The following RAI1 variants were observed in gnomAD, a reference collection of about 807,000 sequenced individuals.
The protein encoded by RAI1 is retinoic acid induced 1.
A neutral mutation model predicts 123.8 loss-of-function variants in RAI1; 9 were observed. That is an observed-to-expected ratio of 0.07 (90% CI 0.04 to 0.13). The LOEUF is 0.13. Among genes scored for constraint, RAI1 ranks in the 10% least tolerant of loss-of-function variants. RAI1 has a pLI of 1.00. For synonymous variants in RAI1, 1,231 were observed against 1,127.3 expected (o/e 1.09, Z -1.84); for missense variants, 2,256 against 2,545.8 (o/e 0.89, Z 2.45).
Position 17,801,512 on chromosome 17 carries a change from TC to T in RAI1, c.5566-2242del, listed in dbSNP as rs2032461806. 6.6e-6 allele frequency among the ~76,000 whole-genome samples: 1 copy of T among 152,170 alleles called. No individual in the cohort carries two copies. Among genetic ancestry groups the T allele is most frequent in the Non-Finnish European group, 1.5e-5 (1 of 68,036 alleles). ...CAGAGGACCCCCATATGCTTAAACA[TC>T]CAGACACCAAGGGCCACTCACAGAC... is the stretch of plus-strand genomic sequence containing the variant. On this transcript the variant is annotated intron_variant, in intron 3 of 5. Coordinates refer to ENST00000353383, the MANE Select transcript of RAI1 (RefSeq NM_030665.4). This position sits in a 1 kb window ranked among gnomAD's most constrained non-coding sequence, Gnocchi z 4.1.
chr17:17,723,058 C>A (rs1483443500), intron 1 of RAI1, among the ~76,000 whole-genome samples: 1 of 152,180 alleles, frequency 6.6e-6, no homozygotes, highest in African/African-American at 2.4e-5. Context: ...AAGCCCCGTA[C>A]AGGCGCACTG....
At chr17:17,740,336 C>A (rs139592656) in intron 2 of RAI1, among the ~76,000 whole-genome samples, 54 of 152,288 alleles carry the variant, frequency 3.5e-4, no homozygotes, top group African/African-American at 1.3e-3. Flanking sequence ...GTCCCAGGGG[C>A]TGGTGGTGTT....
At chr17:17,720,749 G>A (rs762510799) in intron 1 of RAI1, among the ~76,000 whole-genome samples, 4 of 152,200 alleles carry the variant, frequency 2.6e-5, no homozygotes, top group Admixed American at 6.5e-5. Context: ...TCCTCTAGGG[G>A]ATGGTCAGAT....
Position 17,794,130 on chromosome 17 carries a change from C to G in RAI1, c.1182C>G (p.Pro394=). The part of the protein sequence containing the change: ...AGITDHSHFM[P]LLNPSPTDAT... ...TCACTGACCACAGCCACTTCATGCC[C>G]CTGCTCAATCCCTCCCCAACGGATG... The change falls in exon 3 of 6, where the codon CCC becomes CCG. Residue 394 remains proline (P), a synonymous_variant. Transcript: ENST00000353383. 1 of 1,614,112 alleles carries G rather than the reference C, an allele frequency of 6.2e-7. No individual in the cohort carries two copies. The highest frequency in any genetic ancestry group is 8.5e-7 in the Non-Finnish European group (1 of 1,180,054).
At chr17:17,716,271 A>G (rs530823384) in intron 1 of RAI1, among the ~76,000 whole-genome samples, 64 of 152,350 alleles carry the variant, frequency 4.2e-4, no homozygotes, top group Admixed American at 3.1e-3. Context: ...AGAGATACCC[A>G]TGAGCCCTGG....
chr17:17,737,551 C>T (rs1305821359), intron 2 of RAI1, among the ~76,000 whole-genome samples: 1 of 152,206 alleles, frequency 6.6e-6, no homozygotes, highest in Non-Finnish European at 1.5e-5. Flanking sequence ...CAGGGATAGG[C>T]AGTGACTGAA....
Position 17,792,185 on chromosome 17 carries a change from C to T in RAI1, c.-16-748C>T, listed in dbSNP as rs1235066912. Reference sequence around the variant, plus strand: ...ACAGGAGGCAGGTGCTGCCGTCTTGCGTTCCTGGGAGTCAGAGGAGGGGAC... The same window carrying T: ...ACAGGAGGCAGGTGCTGCCGTCTTGTGTTCCTGGGAGTCAGAGGAGGGGAC... On this transcript the variant is annotated intron_variant, in intron 2 of 5. Coordinates refer to ENST00000353383, the MANE Select transcript of RAI1 (RefSeq NM_030665.4). 2.0e-5 allele frequency among the ~76,000 whole-genome samples: 3 copies of T among 152,200 alleles called. No homozygotes were observed. The East Asian group carries it at 5.8e-4, about 29-fold the overall frequency.
intron 1 of RAI1, among the ~76,000 whole-genome samples, chr17:17,686,226 C>T (rs1252209314): frequency 6.8e-6 from 1 of 147,340 alleles, no homozygotes; most frequent in Non-Finnish European, 1.5e-5. Flanking sequence ...CATTGTCTCC[C>T]GTGGGCCCCT....
chr17:17,781,012 G>A (rs1375453535), intron 2 of RAI1, among the ~76,000 whole-genome samples: 1 of 152,138 alleles, frequency 6.6e-6, no homozygotes, highest in Admixed American at 6.5e-5. Flanking sequence ...CTAGGAACCT[G>A]CCAGGCTTCT....
rs1440984710 is a variant in RAI1 at position 17,794,882 on chromosome 17, A to G, written c.1934A>G (p.Asn645Ser). ...DSSKPPFSLE[N>S]HSACLDSVAK... The stretch of plus-strand genomic sequence containing the variant: ...AGCAAGCCACCCTTCTCGCTGGAGA[A>G]CCACAGCGCCTGCCTGGACTCTGTG... Residue 645 changes from asparagine to serine, a missense_variant, in exon 3 of 6, where the codon AAC becomes AGC. Asn to Ser is a conservative substitution (Grantham distance 46). This residue lies in a region of RAI1 where 566 missense variants were observed against 616.0 expected (regional missense o/e 0.92). Transcript: ENST00000353383. The G allele has an allele frequency of 6.2e-7, 1 of 1,613,278 alleles. No individual in the cohort carries two copies.
chr17:17,735,698 G>T (rs1916412122), intron 2 of RAI1, among the ~76,000 whole-genome samples: 1 of 152,188 alleles, frequency 6.6e-6, no homozygotes, highest in Non-Finnish European at 1.5e-5. Flanking sequence ...TTTAGAAGTG[G>T]CCTGGGCTGC....
intron 2 of RAI1, among the ~76,000 whole-genome samples, chr17:17,724,924 C>T (rs1169191574): frequency 6.6e-6 from 1 of 152,110 alleles, no homozygotes; most frequent in African/African-American, 2.4e-5. Context: ...TGCCCAGTGG[C>T]CCCCCTGCCC....
At chr17:17,691,113 G>T (rs533761162) in intron 1 of RAI1, among the ~76,000 whole-genome samples, 11 of 152,336 alleles carry the variant, frequency 7.2e-5, no homozygotes, top group Non-Finnish European at 1.6e-4. Flanking sequence ...ACTCATTCAA[G>T]GGGGCTCTGT....
chr17:17,776,848 A>C (rs930851902), intron 2 of RAI1: 2 of 150,572 alleles, frequency 1.3e-5, no homozygotes, highest in Non-Finnish European at 1.5e-5. Flanking sequence ...TTTTTCTTGT[A>C]GAGGTAGGAT....
At chr17:17,695,718 C>T (rs1249657209) in intron 1 of RAI1, among the ~76,000 whole-genome samples, 6 of 152,136 alleles carry the variant, frequency 3.9e-5, no homozygotes, top group Non-Finnish European at 8.8e-5. Context: ...GACGAGGTTT[C>T]ACCTCGTTGG....
chr17:17,705,129 C>T (rs916358817), intron 1 of RAI1, among the ~76,000 whole-genome samples: 1 of 152,194 alleles, frequency 6.6e-6, no homozygotes, highest in Non-Finnish European at 1.5e-5. Context: ...ACATGGCTAG[C>T]ACATCCTGAC....
At chr17:17,729,657 C>T (rs34349382) in intron 2 of RAI1, among the ~76,000 whole-genome samples, 9,615 of 152,300 alleles carry the variant, frequency 0.063, 461 homozygotes, top group Non-Finnish European at 0.1. Context: ...TGTTCAAGTG[C>T]CTGGCAGCCC....
At chr17:17,776,727 C>T (rs1308411374) in intron 2 of RAI1, 1 of 134,734 alleles carries the variant, frequency 7.4e-6, no homozygotes, top group Non-Finnish European at 1.5e-5. Context: ...TGCAGTGGTG[C>T]AGTCACAGCT....
rs138033172 is a variant in RAI1, at chr17:17,797,775, C to T, written c.4827C>T (p.Thr1609=). ...VRVEKRDAFT[T]ICTVVNSPGD... is the part of the protein sequence containing the mutation. ...TGGAGAAGCGAGACGCGTTCACCAC[C>T]ATATGCACTGTTGTCAACTCCCCTG... is the stretch of plus-strand genomic sequence containing the variant. Residue 1609 remains threonine, a synonymous_variant, in exon 3 of 6, where the codon ACC becomes ACT. Coordinates refer to ENST00000353383, the MANE Select transcript of RAI1 (RefSeq NM_030665.4). The T allele has an allele frequency of 4.2e-5, 68 of 1,614,018 alleles. No individual in the cohort carries two copies. In the African/African-American group the frequency reaches 7.3e-4, roughly 17 times the overall value.
Sources: gnomAD v4.1 joint callset for allele counts (sites outside exome capture counted in the v4.1 genomes callset) on GRCh38, gnomAD v4.1.1 for gene constraint, gnomAD v4.1.1 regional missense constraint, Gnocchi (gnomAD v3.1) non-coding constraint, MANE v1.5 for transcripts, NCBI Gene and HGNC (gene_info 2026-07-23, HGNC 2026-07-21) for gene names.